POLA2: variants seen among roughly 807,000 people sequenced by gnomAD.
POLA2 encodes the protein DNA polymerase alpha subunit B.
POLA2 carries 47 observed loss-of-function variants against 82.8 expected under a neutral mutation model. The ratio of observed to expected loss-of-function variants is 0.57; its 90% CI spans 0.45 to 0.72. The LOEUF (loss-of-function observed/expected upper bound fraction) is 0.72. Among genes scored for constraint, POLA2 ranks in the 30% least tolerant of loss-of-function variants. The pLI is 0.00. For missense variants in POLA2, 634 were observed against 728.1 expected (o/e 0.87, Z 1.49); for synonymous variants, 287 against 286.8 (o/e 1.00, Z -0.01).
chr11:65,275,953 C>T lies in POLA2; in HGVS notation c.416C>T (p.Thr139Ile), dbSNP rs367571868. 2 of 1,608,630 alleles carry T rather than the reference C, an allele frequency of 1.2e-6. No individual in the cohort carries two copies. The highest frequency in any genetic ancestry group is 1.3e-5 in the African/African-American group (1 of 74,844). ...CCCCTAACAAAAAGGAGTGTGTCAA[C>T]TCGTAGCCCCCATCAGCTACTCTCA... ...ETPLTKRSVSTRSPHQLLSPS... is the reference protein window; with the variant it reads ...ETPLTKRSVSIRSPHQLLSPS... Residue 139 changes from threonine (T) to isoleucine (I), a missense_variant, in exon 5 of 18, where the codon ACT becomes ATT. By Grantham distance (89) the Thr-to-Ile change is moderately conservative (BLOSUM62 -1). Transcript: ENST00000265465.
chr11:65,297,091 A>C (rs1295308160), intron 17 of POLA2, 29 bp from the exon 18 acceptor site: 2 of 1,613,222 alleles, frequency 1.2e-6, no homozygotes, highest in Non-Finnish European at 1.7e-6. Flanking sequence ...GAGGCTCTCC[A>C]AACCTGTCAC....
chr11:65,295,697 C>T (rs1949802727), intron 16 of POLA2, 98 bp downstream of exon 16: 1 of 1,332,534 alleles, frequency 7.5e-7, no homozygotes, highest in Non-Finnish European at 1.1e-6. Flanking sequence ...AGGCTACCAG[C>T]AGGGAACTTT....
chr11:65,272,539 T>TA (rs1433268986), intron 4 of POLA2, among the ~76,000 whole-genome samples: 6 of 152,230 alleles, frequency 3.9e-5, no homozygotes, highest in Non-Finnish European at 8.8e-5. Context: ...GCCATGTCCC[T>TA]AACGGAGAGA....
At chr11:65,282,213 T>A (rs888223129) in intron 9 of POLA2, among the ~76,000 whole-genome samples, 2 of 152,200 alleles carry the variant, frequency 1.3e-5, no homozygotes, top group African/African-American at 4.8e-5. Context: ...CCTGTTTTGC[T>A]CCCACTTGTT....
intron 3 of POLA2, 50 bp from the exon 4 acceptor site, chr11:65,268,622 A>G (rs1212551545): frequency 1.2e-5 from 14 of 1,210,710 alleles, no homozygotes; most frequent in Non-Finnish European, 1.6e-5. Flanking sequence ...GATTACAGGC[A>G]TGAGCTACCG....
chr11:65,287,870 G>A (rs1949713955), intron 11 of POLA2, 30 bp downstream of exon 11: 4 of 1,605,342 alleles, frequency 2.5e-6, no homozygotes, highest in African/African-American at 1.3e-5. Context: ...AAGCTGAGGA[G>A]TCAGCCTTGG....
chr11:65,284,792 G>T (rs905011871), intron 10 of POLA2, among the ~76,000 whole-genome samples: 1 of 152,096 alleles, frequency 6.6e-6, no homozygotes, highest in Non-Finnish European at 1.5e-5. Context: ...CTCCCAAAAT[G>T]CTGGGATTAC....
At position 65,279,610 on chromosome 11, in the gene POLA2, T is replaced by C. The variant is rs773359977; in HGVS notation, c.728T>C (p.Leu243Ser). The C allele has an allele frequency of 2.5e-6, 4 of 1,612,616 alleles. No homozygotes were observed. The highest frequency in any genetic ancestry group is 1.6e-4 in the Middle Eastern group (1 of 6,062). ...TACAAGATTGAAGCTTTCACTCCTT[T>C]GCTAGCCCCAGCACAGGTAAGAGTT... ...EHYKIEAFTP[L>S]LAPAQEPVTL... is the part of the protein sequence containing the mutation. Residue 243 changes from leucine (L) to serine (S), a missense_variant, in exon 7 of 18, where the codon TTG (leucine) becomes TCG (serine). Leu to Ser is a moderately radical substitution (Grantham distance 145, BLOSUM62 -2). Transcript: ENST00000265465.
chr11:65,292,214 C>T (rs965603715), intron 13 of POLA2, among the ~76,000 whole-genome samples: 2 of 152,074 alleles, frequency 1.3e-5, no homozygotes, highest in South Asian at 2.1e-4. Flanking sequence ...CCAGCCTGGG[C>T]GACACAGCAA....
chr11:65,287,062 C>T (rs1401190691), intron 10 of POLA2, among the ~76,000 whole-genome samples: 2 of 152,124 alleles, frequency 1.3e-5, no homozygotes, highest in Non-Finnish European at 2.9e-5. Context: ...GTGTGAATGG[C>T]CTTGTGCCAT....
In POLA2 at chr11:65,278,900, A is replaced by G; in HGVS notation, c.632A>G (p.Gln211Arg). Reference sequence around the variant, plus strand: ...ACTGGGAGCTACAAATCCATGTTTCAGAAGCTCCCAGACATTCGAGAAGGT... The same window carrying G: ...ACTGGGAGCTACAAATCCATGTTTCGGAAGCTCCCAGACATTCGAGAAGGT... ...ALTGSYKSMF[Q>R]KLPDIREVLT... The change falls in exon 6 of 18, where the codon CAG becomes CGG. Residue 211 changes from glutamine (Q) to arginine (R), a missense_variant. Gln to Arg is a conservative substitution (Grantham distance 43). Transcript: ENST00000265465. 6.2e-7 allele frequency: 1 copy of G among 1,613,522 alleles called. No homozygotes were observed. The highest frequency in any genetic ancestry group is 1.1e-5 in the South Asian group (1 of 91,044).
intron 5 of POLA2, among the ~76,000 whole-genome samples, chr11:65,276,254 A>G (rs1949578343): frequency 6.6e-6 from 1 of 152,194 alleles, no homozygotes; most frequent in African/African-American, 2.4e-5. Flanking sequence ...TAGATCGGGA[A>G]CTGATATCTT....
chr11:65,289,744 G>A, intron 12 of POLA2, 55 bp from the exon 13 acceptor site: 1 of 1,176,322 alleles, frequency 8.5e-7, no homozygotes, highest in Non-Finnish European at 1.3e-6. Context: ...TGTTAAACAA[G>A]TGAATAAACA....
At chr11:65,285,016 C>T (rs1033964633) in intron 10 of POLA2, among the ~76,000 whole-genome samples, 1 of 152,018 alleles carries the variant, frequency 6.6e-6, no homozygotes, top group Admixed American at 6.6e-5. Flanking sequence ...CAAGTTTGGC[C>T]GGGCGTGGTG....
intron 13 of POLA2, among the ~76,000 whole-genome samples, chr11:65,291,510 C>A (rs975783639): frequency 6.6e-6 from 1 of 152,188 alleles, no homozygotes; most frequent in African/African-American, 2.4e-5. Context: ...CTTCCCTCTT[C>A]CCCAGATTTG....
intron 17 of POLA2, chr11:65,296,456 A>G (rs1949811831): frequency 6.1e-6 from 1 of 164,238 alleles, no homozygotes; most frequent in Non-Finnish European, 1.3e-5. Context: ...ATCTGCCTAG[A>G]CCAGTCCCCC....
At chr11:65,278,243 T>C (rs1047426111) in intron 5 of POLA2, among the ~76,000 whole-genome samples, 3 of 152,292 alleles carry the variant, frequency 2.0e-5, no homozygotes, top group Non-Finnish European at 4.4e-5. Context: ...CTGGGGAAAA[T>C]TGATTAATTT....
At chr11:65,276,848 G>A (rs1268929139) in intron 5 of POLA2, among the ~76,000 whole-genome samples, 1 of 149,118 alleles carries the variant, frequency 6.7e-6, no homozygotes, top group Non-Finnish European at 1.5e-5. Flanking sequence ...CTGGAGTGCA[G>A]TGGCACCATC....
Position 65,290,385 on chromosome 11 carries a change from A to C in POLA2, c.1244+513A>C, listed in dbSNP as rs577742136. The stretch of plus-strand genomic sequence containing the variant: ...AACCCTATCTCTACTAAAATTACAA[A>C]ATTAGCTGGGCGTGGTGGCACATGC... On this transcript the variant is annotated intron_variant, in intron 13 of 17. Coordinates refer to ENST00000265465, the MANE Select transcript of POLA2 (RefSeq NM_002689.4). Among the ~76,000 whole-genome samples, 20 of 152,000 alleles carry C rather than the reference A, an allele frequency of 1.3e-4. No homozygotes were observed. In the South Asian group the frequency reaches 4.2e-3, roughly 32 times the overall value.
Sources: gnomAD v4.1 joint callset for allele counts (sites outside exome capture counted in the v4.1 genomes callset) on GRCh38, gnomAD v4.1.1 for gene constraint, MANE v1.5 for transcripts, NCBI Gene and HGNC (gene_info 2026-07-23, HGNC 2026-07-21) for gene names.